Variants in PKP4 observed in about 807,000 individuals in gnomAD.
The protein encoded by PKP4 is plakophilin 4, also known as plakophilin-4.
A neutral mutation model predicts 145.1 loss-of-function variants in PKP4; 90 were observed. That is an observed-to-expected ratio of 0.62 (90% CI 0.52 to 0.74). PKP4 has a LOEUF of 0.74. Ranked by LOEUF, PKP4 falls within the 30% of genes least tolerant of loss-of-function variation. The pLI is 0.00. For missense variants in PKP4, 1,340 were observed against 1,482.7 expected, an observed-to-expected ratio of 0.90 and a Z score of 1.58; for synonymous variants, 563 against 577.2, an observed-to-expected ratio of 0.98 and a Z score of 0.35.
intron 1 of PKP4, among the ~76,000 whole-genome samples, chr2:158,490,085 G>A (rs908153794): frequency 6.6e-5 from 10 of 152,062 alleles, no homozygotes; most frequent in Non-Finnish European, 1.3e-4. Context: ...ATATAAAACC[G>A]TGAGATTTAT....
chr2:158,623,622 A>G (rs981294237), intron 6 of PKP4, among the ~76,000 whole-genome samples: 4 of 152,204 alleles, frequency 2.6e-5, no homozygotes, highest in African/African-American at 9.7e-5. Context: ...TTGAACACAC[A>G]GTGAGTTCTC....
At chr2:158,670,350 A>G (rs1355669114) in intron 17 of PKP4, among the ~76,000 whole-genome samples, 1 of 152,154 alleles carries the variant, frequency 6.6e-6, no homozygotes, top group East Asian at 1.9e-4. Flanking sequence ...GCACGGTAGA[A>G]GGAGGGAGAG....
chr2:158,663,429 C>T lies in PKP4; in HGVS notation c.2561C>T (p.Ser854Phe). ...EGSAGSLQNL[S>F]AGNWKFAAYI... ...TCTGCAGGGTCTCTCCAGAACCTCT[C>T]TGCTGGCAACTGGAAGGTAGGATGA... The change falls in exon 15 of 22, where the codon TCT becomes TTT. Residue 854 changes from serine to phenylalanine, a missense_variant. Coordinates refer to ENST00000389759, the MANE Select transcript of PKP4 (RefSeq NM_003628.6). 1 of 1,611,634 alleles carries T rather than the reference C, an allele frequency of 6.2e-7. No individual in the cohort carries two copies.
chr2:158,591,790 C>G (rs1349444758), intron 3 of PKP4, among the ~76,000 whole-genome samples: 1 of 151,958 alleles, frequency 6.6e-6, no homozygotes, highest in Non-Finnish European at 1.5e-5. Flanking sequence ...GTTCCACATA[C>G]CATGTAATAC....
rs1553469869 is a variant in PKP4, at chr2:158,643,723, A to AAAAG, written c.1909+1027_1909+1028insGAAA. Among the ~76,000 whole-genome samples the AAAAG allele has an allele frequency of 2.2e-3, 317 of 141,802 alleles. 7 individuals carry two copies. Among genetic ancestry groups the AAAAG allele is most frequent in the Middle Eastern group, 0.014 (4 of 278 alleles). The allele number at this position is 141,802 out of a possible 152,430, so 93.0% of individuals were successfully genotyped here. The stretch of plus-strand genomic sequence containing the variant: ...GTGAGGCCCTGTTTCAAAAAAAAAA[A>AAAAG]AAAAAGAAAAGAAAACAAGGCCAGA... On this transcript the variant is annotated intron_variant, in intron 11 of 21. Transcript: ENST00000389759.
intron 1 of PKP4, among the ~76,000 whole-genome samples, chr2:158,499,079 G>A (rs966208326): frequency 5.9e-5 from 9 of 152,210 alleles, no homozygotes; most frequent in East Asian, 1.9e-4. Context: ...GAGAGCCTGC[G>A]GTAGGGGTGC....
intron 1 of PKP4, among the ~76,000 whole-genome samples, chr2:158,464,245 T>C (rs2105381394): frequency 6.6e-6 from 1 of 152,324 alleles, no homozygotes; most frequent in Middle Eastern, 3.4e-3. Flanking sequence ...TTTGTATGAA[T>C]ACTTTAGGTT....
chr2:158,470,817 C>T (rs1200164895), intron 1 of PKP4, among the ~76,000 whole-genome samples: 1 of 152,092 alleles, frequency 6.6e-6, no homozygotes, highest in African/African-American at 2.4e-5. Context: ...CATGGACCTC[C>T]CCTGATGCTA....
intron 3 of PKP4, 29 bp downstream of exon 3, chr2:158,577,412 C>A: frequency 7.3e-7 from 1 of 1,377,418 alleles, no homozygotes; most frequent in Non-Finnish European, 1.0e-6. Context: ...CATCTTTATG[C>A]ACACTCAAGT....
At chr2:158,546,030 G>C (rs1307304850) in intron 2 of PKP4, among the ~76,000 whole-genome samples, 3 of 152,166 alleles carry the variant, frequency 2.0e-5, no homozygotes, top group Non-Finnish European at 4.4e-5. Context: ...TTAGTACCCA[G>C]AATATGTTTT....
intron 3 of PKP4, among the ~76,000 whole-genome samples, chr2:158,586,816 G>T (rs1222579502): frequency 6.6e-6 from 1 of 152,178 alleles, no homozygotes; most frequent in African/African-American, 2.4e-5. Context: ...TCACAAGCCA[G>T]TTTCAACTGG....
intron 4 of PKP4, among the ~76,000 whole-genome samples, chr2:158,616,399 G>A (rs969525114): frequency 4.6e-5 from 7 of 152,164 alleles, no homozygotes; most frequent in African/African-American, 1.7e-4. Flanking sequence ...AGACTCCTTC[G>A]TAAGCCTGTG....
In PKP4 at chr2:158,551,532, A is replaced by G. The variant is rs145073199; in HGVS notation, c.132+18216A>G. On this transcript the variant is annotated intron_variant, in intron 2 of 21. Coordinates refer to ENST00000389759, the MANE Select transcript of PKP4 (RefSeq NM_003628.6). ...GACTGAAACATAACCAAGAGTTAAA[A>G]GAGATAACAGCCATTTATTTACTCT... Among the ~76,000 whole-genome samples, 4 of 152,376 alleles carry G rather than the reference A, an allele frequency of 2.6e-5. No homozygotes were observed. The East Asian group carries it at 7.7e-4, about 29-fold the overall frequency.
chr2:158,573,374 C>CCAAAAT (rs1226318760), intron 2 of PKP4, among the ~76,000 whole-genome samples: 3 of 152,024 alleles, frequency 2.0e-5, no homozygotes, highest in Non-Finnish European at 4.4e-5. Flanking sequence ...GAATATTAAG[C>CCAAAAT]ACCAAATTTA....
intron 2 of PKP4, among the ~76,000 whole-genome samples, chr2:158,553,664 T>C (rs1310740431): frequency 6.6e-6 from 1 of 152,224 alleles, no homozygotes; most frequent in African/African-American, 2.4e-5. Flanking sequence ...CCGCTGGGTT[T>C]TGAAATTATT....
At chr2:158,663,196 G>A (rs777627102) in intron 14 of PKP4, 76 bp from the exon 15 acceptor site, 20 of 1,528,228 alleles carry the variant, frequency 1.3e-5, no homozygotes, top group African/African-American at 5.5e-5. Context: ...GCTGAGTCCC[G>A]CAAAGGTGAA....
intron 1 of PKP4, among the ~76,000 whole-genome samples, chr2:158,506,825 A>C (rs2041022720): frequency 6.6e-6 from 1 of 152,214 alleles, no homozygotes; most frequent in Non-Finnish European, 1.5e-5. Context: ...CTCAGACTAG[A>C]GTGTTCATAC....
chr2:158,594,882 A>T (rs199756100), intron 3 of PKP4, among the ~76,000 whole-genome samples: 1 of 152,078 alleles, frequency 6.6e-6, no homozygotes, highest in African/African-American at 2.4e-5. Flanking sequence ...GTGGTGGTGG[A>T]GATATTTGTT....
At chr2:158,576,588 G>A (rs1363620566) in intron 2 of PKP4, among the ~76,000 whole-genome samples, 1 of 152,178 alleles carries the variant, frequency 6.6e-6, no homozygotes, top group Non-Finnish European at 1.5e-5. Flanking sequence ...CCTTCACTTT[G>A]CAGCATAGAT....
Sources: gnomAD v4.1 joint callset for allele counts (sites outside exome capture counted in the v4.1 genomes callset) on GRCh38, gnomAD v4.1.1 for gene constraint, MANE v1.5 for transcripts, NCBI Gene and HGNC (gene_info 2026-07-23, HGNC 2026-07-21) for gene names.